The following KANK1 variants were observed in gnomAD, a reference collection of about 807,000 sequenced individuals.
The protein encoded by KANK1 is KN motif and ankyrin repeat domains 1, also known as KN motif and ankyrin repeat domain-containing protein 1.
In KANK1, 109 loss-of-function variants were observed where a neutral mutation model predicts 106.2. That is an observed-to-expected ratio of 1.03 (90% confidence interval 0.88 to 1.20). The LOEUF is 1.20. Ranked by LOEUF, KANK1 falls within the 50% of genes most tolerant of loss-of-function variation. The pLI is 0.00. For missense variants in KANK1, 2,399 were observed against 1,710.7 expected (o/e 1.40, Z -7.10); for synonymous variants, 873 against 652.2 (o/e 1.34, Z -5.16).
chr9:480,462 G>A lies in KANK1; in HGVS notation c.-362+7189G>A, dbSNP rs577269286. Among the ~76,000 whole-genome samples the A allele has an allele frequency of 3.3e-5, 5 of 152,326 alleles. No homozygotes were observed. In the East Asian group the frequency reaches 9.6e-4, roughly 29 times the overall value. ...AGCAAAGTCAAATGTGGTTCTAAGT[G>A]ACATGTCCTCTGCCTAAATAACAGA... On this transcript the variant is annotated intron_variant, in intron 3 of 15. Coordinates refer to the KANK1 transcript ENST00000382303.
chr9:558,754 A>G (rs1033519690), intron 1 of KANK1: 3 of 152,126 alleles, frequency 2.0e-5, no homozygotes, highest in Admixed American at 2.0e-4. Flanking sequence ...AAGGGCTAGA[A>G]CAAAGAGTGT....
At chr9:658,359 T>C (rs1228170462) in intron 1 of KANK1, among the ~76,000 whole-genome samples, 1 of 152,166 alleles carries the variant, frequency 6.6e-6, no homozygotes, top group Non-Finnish European at 1.5e-5. Context: ...TCTCATAACC[T>C]AGCCTCTGCT....
rs1423401357 is a variant in KANK1, at chr9:742,393, C to G, written c.3885C>G (p.His1295Gln). The G allele has an allele frequency of 6.2e-7, 1 of 1,613,136 alleles. No homozygotes were observed. Among genetic ancestry groups the G allele is most frequent in the Admixed American group, 1.7e-5 (1 of 59,962 alleles). ...LLLAQPGCNG[H>Q]LEDNDGSTAL... The stretch of plus-strand genomic sequence containing the variant: ...TGGCCCAGCCCGGCTGCAACGGTCA[C>G]CTAGAGGACAACGTAAGCTGTCTCC... The change falls in exon 10 of 12, where the codon CAC becomes CAG. Residue 1295 changes from histidine (H) to glutamine (Q), a missense_variant. Coordinates refer to ENST00000382297, the MANE Select transcript of KANK1 (RefSeq NM_015158.5).
At chr9:533,247 C>G (rs1017006196) in intron 1 of KANK1, among the ~76,000 whole-genome samples, 2 of 152,172 alleles carry the variant, frequency 1.3e-5, no homozygotes, top group Non-Finnish European at 2.9e-5. Flanking sequence ...TTTTTAGAAT[C>G]TGTTGCTAAT....
intron 3 of KANK1, among the ~76,000 whole-genome samples, chr9:474,325 A>G (rs1273960569): frequency 3.9e-5 from 6 of 152,248 alleles, no homozygotes. Context: ...GTACAAGCTC[A>G]GGGGTCAAAG....
At chr9:610,375 T>C (rs996260833) in intron 1 of KANK1, among the ~76,000 whole-genome samples, 1 of 149,884 alleles carries the variant, frequency 6.7e-6, no homozygotes, top group Admixed American at 6.6e-5. Context: ...TTATATATAA[T>C]GAGAAAAGAT....
intron 1 of KANK1, among the ~76,000 whole-genome samples, chr9:543,183 G>A (rs1391421996): frequency 2.6e-5 from 4 of 151,900 alleles, no homozygotes; most frequent in Admixed American, 2.0e-4. Context: ...AGTGATAAAC[G>A]GTAATAAGCC....
chr9:660,008 A>C (rs1330414277), intron 1 of KANK1: 1 of 292,102 alleles, frequency 3.4e-6, no homozygotes, highest in African/African-American at 2.3e-5. Context: ...CAGAACCTCC[A>C]CTCTTTCCAC....
intron 1 of KANK1, among the ~76,000 whole-genome samples, chr9:634,915 G>T (rs1265820227): frequency 6.6e-6 from 1 of 152,150 alleles, no homozygotes; most frequent in Non-Finnish European, 1.5e-5. Flanking sequence ...GACTTGCTCT[G>T]CCTCTTGGCA....
At chr9:582,776 C>T (rs1287992633) in intron 1 of KANK1, among the ~76,000 whole-genome samples, 1 of 152,196 alleles carries the variant, frequency 6.6e-6, no homozygotes, top group Non-Finnish European at 1.5e-5. Flanking sequence ...TCTAGAATTT[C>T]AGTACAAGCT....
chr9:680,072 C>G (rs577779857), intron 2 of KANK1, among the ~76,000 whole-genome samples: 116 of 152,258 alleles, frequency 7.6e-4, no homozygotes, highest in African/African-American at 2.7e-3. Context: ...AAAGGATAAG[C>G]TATTTGGGTT....
chr9:667,547 T>G (rs1279502006), intron 1 of KANK1, among the ~76,000 whole-genome samples: 1 of 152,110 alleles, frequency 6.6e-6, no homozygotes, highest in Non-Finnish European at 1.5e-5. Context: ...ACTTTTTTGA[T>G]GTAGATGTTT....
chr9:739,971 G>C (rs943945355), intron 8 of KANK1, among the ~76,000 whole-genome samples: 3 of 152,158 alleles, frequency 2.0e-5, no homozygotes, highest in African/African-American at 7.2e-5. Context: ...CATGTCCTTA[G>C]TATGGAGTTG....
intron 1 of KANK1, among the ~76,000 whole-genome samples, chr9:594,012 A>T (rs1825625175): frequency 6.6e-6 from 1 of 151,870 alleles, no homozygotes; most frequent in Non-Finnish European, 1.5e-5. Flanking sequence ...CTGGTTTTAG[A>T]AAGCATGCAG....
intron 9 of KANK1, 94 bp from the exon 10 acceptor site, chr9:742,111 A>C (rs1835746460): frequency 5.6e-6 from 6 of 1,074,410 alleles, no homozygotes; most frequent in Middle Eastern, 4.2e-4. Context: ...TTCTGTCACC[A>C]CACTCTTCCC....
intron 1 of KANK1, among the ~76,000 whole-genome samples, chr9:510,291 T>A (rs1317876067): frequency 6.6e-6 from 1 of 152,186 alleles, no homozygotes; most frequent in African/African-American, 2.4e-5. Flanking sequence ...TATGGTCCTG[T>A]TTACAAAGGT....
At chr9:671,187 A>T (rs1428246572) in intron 1 of KANK1, among the ~76,000 whole-genome samples, 1 of 151,262 alleles carries the variant, frequency 6.6e-6, no homozygotes, top group Admixed American at 6.6e-5. Context: ...CATTTTTGAA[A>T]TTCCTACCAT....
intron 1 of KANK1, among the ~76,000 whole-genome samples, chr9:542,408 A>C (rs1008114774): frequency 6.6e-6 from 1 of 152,246 alleles, no homozygotes; most frequent in African/African-American, 2.4e-5. Context: ...GCAAAAGGTA[A>C]CAAGTGTGTT....
At chr9:515,777 G>A (rs775639894) in intron 1 of KANK1, among the ~76,000 whole-genome samples, 5 of 151,920 alleles carry the variant, frequency 3.3e-5, no homozygotes, top group Admixed American at 2.0e-4. Context: ...AATTGTTAAC[G>A]TAGGGATAAG....
Sources: allele counts gnomAD v4.1 joint callset (sites outside exome capture counted in the v4.1 genomes callset), GRCh38; gene constraint gnomAD v4.1.1; transcripts MANE v1.5; gene names NCBI Gene and HGNC (gene_info 2026-07-23, HGNC 2026-07-21).